Variants in CNTN4 observed in about 807,000 individuals in gnomAD.
The protein encoded by CNTN4 is contactin 4.
Under a neutral mutation model 122.5 loss-of-function variants are expected in CNTN4, and 77 were observed. That is an observed-to-expected ratio of 0.63 (90% CI 0.52 to 0.76). The LOEUF (loss-of-function observed/expected upper bound fraction) is 0.76. Ranked by LOEUF, CNTN4 falls within the 30% of genes least tolerant of loss-of-function variation. The pLI, the probability that CNTN4 is intolerant of heterozygous loss-of-function variation, is 0.00. For missense variants in CNTN4, 1,256 were observed against 1,259.1 expected (o/e 1.00, Z 0.04); for synonymous variants, 512 against 447.0 (o/e 1.15, Z -1.83).
chr3:2,485,948 C>T (rs1301181010), intron 3 of CNTN4, among the ~76,000 whole-genome samples: 3 of 152,144 alleles, frequency 2.0e-5, no homozygotes, highest in Non-Finnish European at 2.9e-5. Context: ...AGTGGCAACC[C>T]GCGCAGGTGC....
intron 2 of CNTN4, among the ~76,000 whole-genome samples, chr3:2,120,718 A>G (rs1270744635): frequency 2.0e-5 from 3 of 151,942 alleles, no homozygotes; most frequent in African/African-American, 4.8e-5. Flanking sequence ...ATAATTTTTT[A>G]AGTATGCATG....
chr3:2,791,731 C>G (rs1379641225), intron 6 of CNTN4, among the ~76,000 whole-genome samples: 1 of 152,106 alleles, frequency 6.6e-6, no homozygotes, highest in African/African-American at 2.4e-5. Context: ...GATGAGATAC[C>G]CGAAACTTAG....
intron 2 of CNTN4, among the ~76,000 whole-genome samples, chr3:2,267,120 A>G (rs1214418310): frequency 6.6e-6 from 1 of 152,106 alleles, no homozygotes; most frequent in Non-Finnish European, 1.5e-5. Context: ...TGTCGGAAAG[A>G]TAGCATTCAC....
chr3:3,045,131 G>A (rs536728767), intron 23 of CNTN4, among the ~76,000 whole-genome samples: 21 of 152,294 alleles, frequency 1.4e-4, no homozygotes, highest in Admixed American at 5.9e-4. Context: ...GGTAAATAGC[G>A]GCCTGGAAGC....
intron 3 of CNTN4, among the ~76,000 whole-genome samples, chr3:2,368,844 A>G (rs77917680): frequency 0.29 from 44,562 of 152,086 alleles, 6,835 homozygotes; most frequent in Middle Eastern, 0.4. Context: ...GGAAATGATA[A>G]CGTAAAATTG....
intron 4 of CNTN4, among the ~76,000 whole-genome samples, chr3:2,652,414 C>T (rs1410445207): frequency 6.6e-6 from 1 of 152,148 alleles, no homozygotes; most frequent in Non-Finnish European, 1.5e-5. Context: ...TATGGATCTG[C>T]TAATCTAAAC....
At chr3:2,204,840 G>A (rs1037421326) in intron 2 of CNTN4, among the ~76,000 whole-genome samples, 3 of 152,044 alleles carry the variant, frequency 2.0e-5, no homozygotes, top group Admixed American at 6.6e-5. Context: ...TTATTGAGTG[G>A]ATAATTGAGA....
At chr3:2,603,332 C>G (rs2081125697) in intron 4 of CNTN4, among the ~76,000 whole-genome samples, 1 of 152,072 alleles carries the variant, frequency 6.6e-6, no homozygotes, top group African/African-American at 2.4e-5. Flanking sequence ...TCAGAAGGTA[C>G]TTTAGGATGT....
chr3:2,534,554 T>G (rs2077725071), intron 3 of CNTN4, among the ~76,000 whole-genome samples: 1 of 152,002 alleles, frequency 6.6e-6, no homozygotes, highest in African/African-American at 2.4e-5. Context: ...TGAGACACTG[T>G]GTTGAGCGGA....
At chr3:2,291,787 G>A (rs1429966896) in intron 2 of CNTN4, among the ~76,000 whole-genome samples, 1 of 151,960 alleles carries the variant, frequency 6.6e-6, no homozygotes, top group Non-Finnish European at 1.5e-5. Context: ...AGGCTAGAGG[G>A]CGATGGCAGG....
intron 13 of CNTN4, among the ~76,000 whole-genome samples, chr3:2,936,034 A>G (rs2094564890): frequency 6.6e-6 from 1 of 152,250 alleles, no homozygotes; most frequent in African/African-American, 2.4e-5. Flanking sequence ...CTCAGAATCC[A>G]GTTGAGAAAA....
intron 2 of CNTN4, among the ~76,000 whole-genome samples, chr3:2,323,846 T>C (rs886211978): frequency 6.6e-6 from 1 of 152,202 alleles, no homozygotes; most frequent in Non-Finnish European, 1.5e-5. Context: ...TAAAGTTTAG[T>C]ACTGGGCTCT....
intron 6 of CNTN4, among the ~76,000 whole-genome samples, chr3:2,812,006 C>T (rs1326193594): frequency 6.6e-6 from 1 of 152,048 alleles, no homozygotes; most frequent in Admixed American, 6.6e-5. Context: ...AAGGTAAGGC[C>T]GTTATCCTCA....
At chr3:2,554,775 A>G (rs1258394206) in intron 3 of CNTN4, among the ~76,000 whole-genome samples, 1 of 152,054 alleles carries the variant, frequency 6.6e-6, no homozygotes, top group Non-Finnish European at 1.5e-5. Flanking sequence ...GGGATTTGGC[A>G]TTTAGGCCAT....
intron 4 of CNTN4, among the ~76,000 whole-genome samples, chr3:2,698,969 G>A (rs2086202744): frequency 6.6e-6 from 1 of 152,026 alleles, no homozygotes; most frequent in Admixed American, 6.6e-5. Context: ...GTTGCAGTGA[G>A]CCGAGATAGT....
intron 13 of CNTN4, among the ~76,000 whole-genome samples, chr3:2,965,116 C>G (rs983478083): frequency 6.6e-6 from 1 of 152,192 alleles, no homozygotes; most frequent in East Asian, 1.9e-4. Context: ...TCTTAGGTAT[C>G]ATTTTCTACC....
intron 3 of CNTN4, among the ~76,000 whole-genome samples, chr3:2,403,681 A>G (rs192032405): frequency 2.0e-5 from 3 of 152,282 alleles, no homozygotes; most frequent in South Asian, 2.1e-4. Context: ...CTGATTGTTT[A>G]TATTTTTTTG....
At chr3:2,585,078 A>G (rs2080125907) in intron 4 of CNTN4, among the ~76,000 whole-genome samples, 1 of 152,214 alleles carries the variant, frequency 6.6e-6, no homozygotes, top group Non-Finnish European at 1.5e-5. Flanking sequence ...TTTGTCATTA[A>G]CTACAAATAA....
At chr3:2,831,632 C>A (rs1341563400) in intron 7 of CNTN4, among the ~76,000 whole-genome samples, 2 of 152,196 alleles carry the variant, frequency 1.3e-5, no homozygotes, top group Non-Finnish European at 2.9e-5. Context: ...TTATCACAAT[C>A]TTCACTGTCA....
Sources: allele counts gnomAD v4.1 joint callset (sites outside exome capture counted in the v4.1 genomes callset), GRCh38; gene constraint gnomAD v4.1.1; transcripts MANE v1.5; gene names NCBI Gene and HGNC (gene_info 2026-07-23, HGNC 2026-07-21).